The following LIFR variants were observed in gnomAD, a reference collection of about 807,000 sequenced individuals.
The protein encoded by LIFR is LIF receptor subunit alpha.
In LIFR, 84 loss-of-function variants were observed where a neutral mutation model predicts 122.2. That is an observed-to-expected ratio of 0.69 (90% CI 0.58 to 0.82). The LOEUF is 0.82. Among genes scored for constraint, LIFR ranks in the 40% least tolerant of loss-of-function variants. The probability of loss-of-function intolerance (pLI) is 0.00; values close to 1 mark genes in which losing one functional copy is unlikely to be tolerated. For missense variants in LIFR, 1,294 were observed against 1,311.6 expected (o/e 0.99, Z 0.21); for synonymous variants, 422 against 434.7 (o/e 0.97, Z 0.36).
chr5:38,535,948 G>A (rs1747273440), intron 1 of LIFR, among the ~76,000 whole-genome samples: 1 of 152,156 alleles, frequency 6.6e-6, no homozygotes, highest in Non-Finnish European at 1.5e-5. Context: ...GTTTTTGAAG[G>A]AAATAAAGTG....
chr5:38,546,735 C>CA (rs1747913700), intron 1 of LIFR, among the ~76,000 whole-genome samples: 1 of 152,198 alleles, frequency 6.6e-6, no homozygotes, highest in African/African-American at 2.4e-5. Context: ...AGCATAAAGA[C>CA]AAAAGGCAGG....
intron 13 of LIFR, among the ~76,000 whole-genome samples, chr5:38,494,024 A>C (rs915379194): frequency 6.6e-6 from 1 of 152,176 alleles, no homozygotes; most frequent in African/African-American, 2.4e-5. Flanking sequence ...AGTCGTTTTT[A>C]AAAAGCGCCT....
intron 1 of LIFR, among the ~76,000 whole-genome samples, chr5:38,550,786 G>A (rs552130123): frequency 5.0e-4 from 76 of 152,254 alleles, no homozygotes; most frequent in African/African-American, 1.7e-3. Context: ...TAAAGAGTCC[G>A]AAGATCATGG....
intron 13 of LIFR, among the ~76,000 whole-genome samples, chr5:38,494,684 G>C (rs1744784767): frequency 6.6e-6 from 1 of 152,132 alleles, no homozygotes; most frequent in Non-Finnish European, 1.5e-5. Context: ...TGTATTTAAG[G>C]GTTCAGTAAA....
At chr5:38,570,046 ACCAGCAGAGATTCTGGAC>A (rs1425792689) in intron 1 of LIFR, among the ~76,000 whole-genome samples, 4 of 152,204 alleles carry the variant, frequency 2.6e-5, no homozygotes, top group Non-Finnish European at 5.9e-5. Context: ...CAGAGGGGTT[ACCAGCAGAGATTCTGGAC>A]CCATACTATC....
At chr5:38,542,715 C>G (rs980989545) in intron 1 of LIFR, among the ~76,000 whole-genome samples, 4 of 152,110 alleles carry the variant, frequency 2.6e-5, no homozygotes, top group African/African-American at 9.7e-5. Context: ...AATGTGTAAA[C>G]ATGTCAGGCT....
chr5:38,492,341 T>C (rs1162976893), intron 14 of LIFR, among the ~76,000 whole-genome samples: 2 of 152,170 alleles, frequency 1.3e-5, no homozygotes, highest in Non-Finnish European at 2.9e-5. Flanking sequence ...AAAACTTAAA[T>C]GGGTAGATAC....
At chr5:38,589,718 A>ATG (rs35505046) in intron 1 of LIFR, among the ~76,000 whole-genome samples, 84,802 of 146,072 alleles carry the variant, frequency 0.58, 25,224 homozygotes, top group Middle Eastern at 0.73. Flanking sequence ...AGAGAAGAAA[A>ATG]TGTGTGTGTG....
At chr5:38,492,453 A>T (rs560095413) in intron 14 of LIFR, among the ~76,000 whole-genome samples, 2 of 152,272 alleles carry the variant, frequency 1.3e-5, no homozygotes, top group African/African-American at 4.8e-5. Context: ...ATTCAGCAAC[A>T]TGGGAGGGGA....
Position 38,499,626 on chromosome 5 carries a change from A to G in LIFR, c.1601-43T>C, listed in dbSNP as rs529064742. The G allele has an allele frequency of 3.8e-6, 5 of 1,310,598 alleles. No individual in the cohort carries two copies. In the East Asian group the frequency reaches 6.9e-5, roughly 18 times the overall value. The allele number at this position is 1,310,598 out of a possible 1,614,324, so 81.2% of individuals were successfully genotyped here. The stretch of plus-strand genomic sequence containing the variant: ...AAGTTAATATCTGAAGACACATACT[A>G]TATGTATATGGTGCTTGGCATTTTT... On this transcript the variant is annotated intron_variant, in intron 11 of 19. Transcript: ENST00000453190.
At chr5:38,485,725 G>C in intron 17 of LIFR, 94 bp downstream of exon 17, 1 of 1,407,412 alleles carries the variant, frequency 7.1e-7, no homozygotes, top group South Asian at 1.2e-5. Flanking sequence ...ATGTTTTTTA[G>C]AAAGGGCGGG....
chr5:38,537,659 T>C (rs1009880149), intron 1 of LIFR, among the ~76,000 whole-genome samples: 1 of 31,000 alleles, frequency 3.2e-5, no homozygotes, highest in African/African-American at 1.4e-4. Context: ...ATACCAAGGA[T>C]TGTCTTTAAA....
At chr5:38,581,442 T>C (rs1463391912) in intron 1 of LIFR, among the ~76,000 whole-genome samples, 1 of 152,200 alleles carries the variant, frequency 6.6e-6, no homozygotes, top group Non-Finnish European at 1.5e-5. Flanking sequence ...TGCCCTTTCA[T>C]AGTCCTGTGC....
In LIFR at chr5:38,481,809, C is replaced by T; in HGVS notation, c.3080G>A (p.Gly1027Asp). The change falls in exon 20 of 20, where the codon GGT becomes GAT. Residue 1027 changes from glycine (G) to aspartate (D), a missense_variant. Physicochemically the swap from Gly to Asp is moderately conservative, Grantham distance 94 (BLOSUM62 -1). Coordinates refer to ENST00000453190, the MANE Select transcript of LIFR (RefSeq NM_001127671.2). ...ATTTACATTGGCCTGAGGTCTGTAA[C>T]CCGCAGTTTTATCTAAGTCCTCTTC... Reference protein sequence around the residue: ...AAEEDLDKTAGYRPQANVNTW... With the variant: ...AAEEDLDKTADYRPQANVNTW... The T allele has an allele frequency of 1.2e-6, 2 of 1,614,092 alleles. No individual in the cohort carries two copies. Among genetic ancestry groups the T allele is most frequent in the South Asian group, 2.2e-5 (2 of 91,078 alleles).
chr5:38,532,010 A>G (rs972645078), intron 1 of LIFR, among the ~76,000 whole-genome samples: 2 of 152,244 alleles, frequency 1.3e-5, no homozygotes, highest in Non-Finnish European at 2.9e-5. Flanking sequence ...TTCACAAAAT[A>G]TCTAAAATGC....
Position 38,493,686 on chromosome 5 carries a change from C to T in LIFR, c.1985G>A (p.Cys662Tyr). 6.2e-7 allele frequency: 1 copy of T among 1,614,198 alleles called. No individual in the cohort carries two copies. The highest frequency in any genetic ancestry group is 8.5e-7 in the Non-Finnish European group (1 of 1,180,036). The stretch of plus-strand genomic sequence containing the variant: ...GCATGGTTCCGACCGAGACGAGTTA[C>T]ACCACTTAATGACGTAGTCGCAAGT... ...NMTCDYVIKWCNSSRSEPCLM... is the reference protein window; with the variant it reads ...NMTCDYVIKWYNSSRSEPCLM... The change falls in exon 14 of 20, where the codon TGT (cysteine) becomes TAT (tyrosine). Residue 662 changes from cysteine (C) to tyrosine (Y), a missense_variant. Transcript: ENST00000453190.
chr5:38,491,523 T>C (rs62353654), intron 14 of LIFR, among the ~76,000 whole-genome samples: 6,142 of 152,288 alleles, frequency 0.04, 172 homozygotes, highest in Middle Eastern at 0.1. Context: ...AGAAAGAAGA[T>C]AATGCCGGGG....
chr5:38,530,439 T>C (rs1746940270), intron 2 of LIFR, 67 bp downstream of exon 2: 1 of 1,419,204 alleles, frequency 7.0e-7, no homozygotes, highest in African/African-American at 1.4e-5. Context: ...AGCAACAAAA[T>C]TGCTTCGTCA....
intron 1 of LIFR, among the ~76,000 whole-genome samples, chr5:38,607,231 A>G (rs1216511425): frequency 6.6e-6 from 1 of 152,192 alleles, no homozygotes; most frequent in Non-Finnish European, 1.5e-5. Context: ...TTGAAAGTCT[A>G]CTGATGGCAC....
Sources: allele counts gnomAD v4.1 joint callset (sites outside exome capture counted in the v4.1 genomes callset), GRCh38; gene constraint gnomAD v4.1.1; transcripts MANE v1.5; gene names NCBI Gene and HGNC (gene_info 2026-07-23, HGNC 2026-07-21).